The following EXT1 variants were observed in gnomAD, a reference collection of about 807,000 sequenced individuals.
The protein encoded by EXT1 is exostosin glycosyltransferase 1.
A neutral mutation model predicts 82.5 loss-of-function variants in EXT1; 20 were observed. The ratio of observed to expected loss-of-function variants is 0.24; its 90% CI spans 0.17 to 0.35. The LOEUF is 0.35. Ranked by LOEUF, EXT1 falls within the 10% of genes least tolerant of loss-of-function variation. The pLI is 1.00. For missense variants in EXT1, 757 were observed against 936.5 expected (o/e 0.81, Z 2.50); for synonymous variants, 348 against 350.8 (o/e 0.99, Z 0.09).
rs116900200 is a variant in EXT1, at chr8:117,888,564, G to A, written c.963-51363C>T. 3.8e-3 allele frequency among the ~76,000 whole-genome samples: 579 copies of A among 152,248 alleles called. 9 individuals carry two copies. The highest frequency in any genetic ancestry group is 0.038 in the East Asian group (195 of 5,178). On this transcript the variant is annotated intron_variant, in intron 1 of 10. Coordinates refer to ENST00000378204, the MANE Select transcript of EXT1 (RefSeq NM_000127.3). Reference sequence around the variant, plus strand: ...TTAAGTGTTCTATAAATGGCCTAGAGAAAGCTGAATGCTTGCTGGACACCC... The same window carrying A: ...TTAAGTGTTCTATAAATGGCCTAGAAAAAGCTGAATGCTTGCTGGACACCC...
intron 1 of EXT1, among the ~76,000 whole-genome samples, chr8:118,026,047 T>C (rs1358626061): frequency 6.6e-6 from 1 of 152,182 alleles, no homozygotes; most frequent in Non-Finnish European, 1.5e-5. Context: ...TTGTGAGGGC[T>C]GTTTCTTCAG....
chr8:117,911,101 A>G (rs906682337), intron 1 of EXT1, among the ~76,000 whole-genome samples: 1 of 152,222 alleles, frequency 6.6e-6, no homozygotes, highest in African/African-American at 2.4e-5. Flanking sequence ...CCTCAGCTGT[A>G]AATGGACTAA....
rs572061395 is a variant in EXT1, at chr8:118,006,461, A to G, written c.962+103624T>C. Among the ~76,000 whole-genome samples, 3 of 152,294 alleles carry G rather than the reference A, an allele frequency of 2.0e-5. No homozygotes were observed. The South Asian group carries it at 6.2e-4, about 32-fold the overall frequency. ...TTTTAGAACGTAACTTTCCTTTTTC[A>G]GAGCTGAACCAAGTTTCAACTTACT... On this transcript the variant is annotated intron_variant, in intron 1 of 10. Transcript: ENST00000378204.
chr8:117,920,671 G>A (rs551302390), intron 1 of EXT1, among the ~76,000 whole-genome samples: 28 of 152,242 alleles, frequency 1.8e-4, no homozygotes, highest in Middle Eastern at 3.4e-3. Context: ...CCTTACAGTC[G>A]CTCATTAGTT....
At chr8:117,847,363 T>C (rs1563578480) in intron 1 of EXT1, among the ~76,000 whole-genome samples, 1 of 152,154 alleles carries the variant, frequency 6.6e-6, no homozygotes, top group African/African-American at 2.4e-5. Context: ...TATTTAGTCT[T>C]CCTTTTGTAC....
intron 1 of EXT1, among the ~76,000 whole-genome samples, chr8:118,109,207 C>A (rs1186579770): frequency 6.6e-6 from 1 of 151,938 alleles, no homozygotes; most frequent in Non-Finnish European, 1.5e-5. Flanking sequence ...AGCAACTGGA[C>A]AAAACTTGCC....
chr8:117,823,214 A>G (rs1459652782), intron 4 of EXT1, among the ~76,000 whole-genome samples: 1 of 152,192 alleles, frequency 6.6e-6, no homozygotes. Context: ...CAATTGCTTA[A>G]AACATCCTAC....
chr8:118,035,410 G>T (rs1355582740), intron 1 of EXT1, among the ~76,000 whole-genome samples: 2 of 151,902 alleles, frequency 1.3e-5, no homozygotes, highest in Admixed American at 1.3e-4. Flanking sequence ...GTTATTTAAA[G>T]TCTTAAAAAT....
intron 1 of EXT1, among the ~76,000 whole-genome samples, chr8:118,096,566 G>A (rs1025721393): frequency 3.3e-5 from 5 of 150,730 alleles, no homozygotes; most frequent in Non-Finnish European, 5.9e-5. Flanking sequence ...ACGCCACTGC[G>A]GCCTGGCGAC....
At chr8:117,943,914 C>T (rs929540409) in intron 1 of EXT1, among the ~76,000 whole-genome samples, 1 of 152,152 alleles carries the variant, frequency 6.6e-6, no homozygotes, top group Non-Finnish European at 1.5e-5. Context: ...GTACTCCTGG[C>T]AAACCTCACC....
chr8:118,022,677 C>G (rs2168667), intron 1 of EXT1, among the ~76,000 whole-genome samples: 114,097 of 151,702 alleles, frequency 0.75, 44,248 homozygotes, highest in African/African-American at 0.94. Flanking sequence ...CTCTTAGGAT[C>G]AGCTTTGGAC....
intron 1 of EXT1, among the ~76,000 whole-genome samples, chr8:117,972,040 C>T (rs1301045692): frequency 6.6e-6 from 1 of 151,710 alleles, no homozygotes; most frequent in Non-Finnish European, 1.5e-5. Flanking sequence ...ATCCCAGCTA[C>T]TCAGGAGGCT....
chr8:117,959,092 A>G (rs1814644939), intron 1 of EXT1, among the ~76,000 whole-genome samples: 1 of 152,226 alleles, frequency 6.6e-6, no homozygotes, highest in Admixed American at 6.5e-5. Flanking sequence ...TCCTCCAATT[A>G]GCATCACATT....
rs114491455 is a variant in EXT1, at chr8:117,903,009, G to A, written c.963-65808C>T. Among the ~76,000 whole-genome samples, 399 of 152,194 alleles carry A rather than the reference G, an allele frequency of 2.6e-3. 3 individuals are homozygous for A. The highest frequency in any genetic ancestry group is 8.8e-3 in the African/African-American group (364 of 41,522). On this transcript the variant is annotated intron_variant, in intron 1 of 10. Coordinates refer to ENST00000378204, the MANE Select transcript of EXT1 (RefSeq NM_000127.3). The stretch of plus-strand genomic sequence containing the variant: ...ACAGGCATGATTCTGAGAATTCTGC[G>A]TGTTACTACCAAGCTCCACAACCTA...
chr8:117,983,720 G>A (rs1328390209), intron 1 of EXT1, among the ~76,000 whole-genome samples: 3 of 152,144 alleles, frequency 2.0e-5, no homozygotes, highest in Admixed American at 6.5e-5. Context: ...ATGAATTAAT[G>A]TATATGTGTT....
At chr8:118,101,507 CAG>C (rs1817718874) in intron 1 of EXT1, among the ~76,000 whole-genome samples, 1 of 152,188 alleles carries the variant, frequency 6.6e-6, no homozygotes, top group Non-Finnish European at 1.5e-5. Context: ...AAAGAGAAAA[CAG>C]AAACAAATCC....
chr8:117,869,057 T>C (rs1812824210), intron 1 of EXT1, among the ~76,000 whole-genome samples: 1 of 152,200 alleles, frequency 6.6e-6, no homozygotes, highest in African/African-American at 2.4e-5. Flanking sequence ...CCCTGCTGTG[T>C]GTGTTCTGCC....
chr8:118,087,787 G>A (rs766937129), intron 1 of EXT1, among the ~76,000 whole-genome samples: 5 of 152,012 alleles, frequency 3.3e-5, no homozygotes, highest in Non-Finnish European at 7.4e-5. Context: ...TTTCTCCTAT[G>A]AATGAACATA....
intron 1 of EXT1, among the ~76,000 whole-genome samples, chr8:118,019,100 A>G (rs1176891426): frequency 6.6e-6 from 1 of 151,906 alleles, no homozygotes; most frequent in African/African-American, 2.4e-5. Context: ...AAAGAAAAAA[A>G]AAAACTTAAA....
Sources: allele counts gnomAD v4.1 joint callset (sites outside exome capture counted in the v4.1 genomes callset), GRCh38; gene constraint gnomAD v4.1.1; transcripts MANE v1.5; gene names NCBI Gene and HGNC (gene_info 2026-07-23, HGNC 2026-07-21).